Variants in ANKRD26 observed in about 807,000 individuals in gnomAD.
ANKRD26 encodes the protein ankyrin repeat domain 26.
A neutral mutation model predicts 208.7 loss-of-function variants in ANKRD26; 141 were observed. That is an observed-to-expected ratio of 0.68 (90% CI 0.59 to 0.78). The LOEUF is 0.78. Ranked by LOEUF, ANKRD26 falls within the 30% of genes least tolerant of loss-of-function variation. The pLI is 0.00. For synonymous variants in ANKRD26, 636 were observed against 660.4 expected (o/e 0.96, Z 0.57); for missense variants, 1,889 against 1,938.7 (o/e 0.97, Z 0.48).
chr10:26,980,986 C>G (rs1189961579), intron 4 of ANKRD26, among the ~76,000 whole-genome samples: 2 of 152,106 alleles, frequency 1.3e-5, no homozygotes, highest in Non-Finnish European at 2.9e-5. Flanking sequence ...CCCCTTTTTG[C>G]TACCTCTCTA....
chr10:27,042,748 A>G lies in ANKRD26; in HGVS notation c.2161+678T>C, dbSNP rs570699140. 7.4e-5 allele frequency among the ~76,000 whole-genome samples: 11 copies of G among 149,270 alleles called. No homozygotes were observed. In the East Asian group the frequency reaches 2.0e-3, roughly 27 times the overall value. On this transcript the variant is annotated intron_variant, in intron 20 of 33. Coordinates refer to ENST00000376087, the MANE Select transcript of ANKRD26 (RefSeq NM_014915.3). ...AGCCTGGACGACAGAGCGAGACTCC[A>G]TCTCAAAAAACAAACAAACAAACAA...
chr10:27,023,826 T>C (rs2053570338), intron 28 of ANKRD26, among the ~76,000 whole-genome samples: 1 of 152,156 alleles, frequency 6.6e-6, no homozygotes, highest in Non-Finnish European at 1.5e-5. Context: ...AGAAACATGA[T>C]TGCTCATTTC....
At chr10:27,060,608 A>C in intron 13 of ANKRD26, 68 bp from the exon 14 acceptor site, 1 of 1,154,830 alleles carries the variant, frequency 8.7e-7, no homozygotes, top group Middle Eastern at 2.9e-4. Flanking sequence ...AAATTCATGC[A>C]GTGTTAGTAT....
intron 15 of ANKRD26, among the ~76,000 whole-genome samples, chr10:27,057,900 G>A (rs1290820883): frequency 4.0e-5 from 6 of 149,508 alleles, no homozygotes; most frequent in South Asian, 2.1e-4. Context: ...TCGTGCCACC[G>A]CACTCCAGCC....
At position 27,024,511 on chromosome 10, in the gene ANKRD26, A is replaced by C; in HGVS notation, c.4021T>G (p.Ser1341Ala). ...TCTTGATCCAAATTACATTCCAGTG[A>C]CTGTTTTAATTCCATAAGTTTCTTT... ...QLKKLMELKQ[S>A]LECNLDQEMK... Residue 1341 changes from serine (S) to alanine (A), a missense_variant, in exon 28 of 34, where the codon TCA (serine) becomes GCA (alanine). This residue lies in a region of ANKRD26 where 613 missense variants were observed against 648.2 expected (regional missense o/e 0.95). Transcript: ENST00000376087. The C allele has an allele frequency of 6.3e-7, 1 of 1,587,534 alleles. No homozygotes were observed. The highest frequency in any genetic ancestry group is 8.6e-7 in the Non-Finnish European group (1 of 1,158,452).
At chr10:27,057,172 T>G (rs1474170809) in intron 15 of ANKRD26, among the ~76,000 whole-genome samples, 2 of 152,234 alleles carry the variant, frequency 1.3e-5, no homozygotes, top group African/African-American at 2.4e-5. Context: ...TTGACTAACT[T>G]TCTTCATAGA....
At chr10:27,085,131 C>T (rs1223082306) in intron 5 of ANKRD26, among the ~76,000 whole-genome samples, 4 of 151,298 alleles carry the variant, frequency 2.6e-5, no homozygotes, top group South Asian at 2.1e-4. Flanking sequence ...GATGGAGTCT[C>T]GCTCTGTCAC....
chr10:26,971,008 G>T (rs2134584413), downstream of ANKRD26, among the ~76,000 whole-genome samples: 1 of 152,294 alleles, frequency 6.6e-6, no homozygotes, highest in South Asian at 2.1e-4. Flanking sequence ...ACAGGAGTGG[G>T]GAACAGACTT....
chr10:27,013,173 A>T, intron 31 of ANKRD26, 63 bp from the exon 32 acceptor site: 1 of 1,457,178 alleles, frequency 6.9e-7, no homozygotes, highest in South Asian at 1.2e-5. Context: ...TTCCTAAAAG[A>T]CTTGCAATTT....
At chr10:27,075,188 CA>C (rs1314225008) in intron 9 of ANKRD26, among the ~76,000 whole-genome samples, 56 of 152,226 alleles carry the variant, frequency 3.7e-4, no homozygotes, top group African/African-American at 1.2e-3. Flanking sequence ...ATGGAGGAAA[CA>C]AAGTCACTAG....
chr10:27,035,164 G>T lies in ANKRD26; in HGVS notation c.3286C>A (p.Arg1096=). Residue 1096 remains arginine, a synonymous_variant, in exon 24 of 34, where the codon CGG becomes AGG. Transcript: ENST00000376087. ...ALREKTLGLE[R]VQKDLSQTQC... ...GTTTGGCTTAGGTCCTTTTGTACCC[G>T]TTCTAAACCCAAAGTCTTTTCTCTG... 1.2e-6 allele frequency: 2 copies of T among 1,613,804 alleles called. No individual in the cohort carries two copies. Among genetic ancestry groups the T allele is most frequent in the Non-Finnish European group, 1.7e-6 (2 of 1,179,888 alleles).
the ANKRD26 span, among the ~76,000 whole-genome samples, chr10:26,968,095 A>G: frequency 6.8e-4 from 104 of 152,234 alleles, no homozygotes; most frequent in African/African-American, 2.4e-3. Flanking sequence ...GGTCCTCAAG[A>G]AAGTCCAACT....
intron 9 of ANKRD26, among the ~76,000 whole-genome samples, chr10:27,076,280 T>TTA (rs2055695527): frequency 6.6e-6 from 1 of 150,900 alleles, no homozygotes; most frequent in South Asian, 2.1e-4. Context: ...TTTTTTTTTT[T>TTA]AGATGGAATT....
Position 27,058,161 on chromosome 10 carries a change from G to A in ANKRD26, c.1564+2184C>T, listed in dbSNP as rs529258394. On this transcript the variant is annotated intron_variant, in intron 15 of 33. Coordinates refer to ENST00000376087, the MANE Select transcript of ANKRD26 (RefSeq NM_014915.3). The stretch of plus-strand genomic sequence containing the variant: ...AAAGAAAAAAGTAAAAACCATAGAA[G>A]TGAAACTTTAAAGGCCATTTCATCA... Among the ~76,000 whole-genome samples the A allele has an allele frequency of 2.6e-5, 4 of 152,192 alleles. No individual in the cohort carries two copies. The East Asian group carries it at 7.7e-4, about 29-fold the overall frequency.
At chr10:27,032,225 G>A (rs1243485133) in intron 25 of ANKRD26, among the ~76,000 whole-genome samples, 1 of 152,174 alleles carries the variant, frequency 6.6e-6, no homozygotes, top group Non-Finnish European at 1.5e-5. Flanking sequence ...CAAGATGGGT[G>A]CGGTGGCTCA....
Position 27,100,403 on chromosome 10 carries a change from G to T in ANKRD26, c.-77C>A, listed in dbSNP as rs546768605. The T allele has an allele frequency of 4.4e-6, 7 of 1,580,232 alleles. No homozygotes were observed. The highest frequency in any genetic ancestry group is 6.0e-6 in the Non-Finnish European group (7 of 1,172,020). Reference sequence around the variant, plus strand: ...CGGCCTCCGGAGCCCAACATAACAAGTCAGCCCCGGCTGGCCGCAGCCTCC... The same window carrying T: ...CGGCCTCCGGAGCCCAACATAACAATTCAGCCCCGGCTGGCCGCAGCCTCC... On this transcript the variant is annotated 5_prime_UTR_variant, in exon 1 of 34. Coordinates refer to ENST00000376087, the MANE Select transcript of ANKRD26 (RefSeq NM_014915.3).
chr10:27,072,168 G>A (rs966426875), intron 9 of ANKRD26, among the ~76,000 whole-genome samples: 1 of 152,334 alleles, frequency 6.6e-6, no homozygotes, highest in South Asian at 2.1e-4. Flanking sequence ...CTGTCCCTCA[G>A]GAAGGCTTAT....
chr10:26,962,201 G>A, the ANKRD26 span, among the ~76,000 whole-genome samples: 5 of 151,716 alleles, frequency 3.3e-5, no homozygotes, highest in South Asian at 2.1e-4. Context: ...AGGCTGAGAC[G>A]GGAGGATCTC....
At chr10:27,050,240 A>AG (rs2054604405) in intron 16 of ANKRD26, among the ~76,000 whole-genome samples, 2 of 149,670 alleles carry the variant, frequency 1.3e-5, no homozygotes, top group Non-Finnish European at 3.0e-5. Context: ...AAAAAAAAAA[A>AG]AAAAAAAGAA....
Sources: allele counts gnomAD v4.1 joint callset (sites outside exome capture counted in the v4.1 genomes callset), GRCh38; gene constraint gnomAD v4.1.1; regional missense constraint gnomAD v4.1.1; transcripts MANE v1.5; gene names NCBI Gene and HGNC (gene_info 2026-07-23, HGNC 2026-07-21).